The following PLD1 variants were observed in gnomAD, a reference collection of about 807,000 sequenced individuals.
PLD1 encodes the protein choline phosphatase 1.
A neutral mutation model predicts 137.1 loss-of-function variants in PLD1; 112 were observed. The observed-to-expected ratio is 0.82, with a 90% CI of 0.70 to 0.96. The LOEUF (loss-of-function observed/expected upper bound fraction) is 0.96, where lower values mean the gene tolerates loss of function less well. PLD1 is among the 40% of genes least tolerant of loss of function. The pLI, the probability that PLD1 is intolerant of heterozygous loss-of-function variation, is 0.00. For synonymous variants in PLD1, 431 were observed against 454.7 expected (o/e 0.95, Z 0.66); for missense variants, 1,321 against 1,342.0 (o/e 0.98, Z 0.24).
chr3:171,740,252 G>C (rs1487571498), intron 1 of PLD1, among the ~76,000 whole-genome samples: 1 of 142,496 alleles, frequency 7.0e-6, no homozygotes, highest in African/African-American at 3.1e-5. Flanking sequence ...TTTCTAACCT[G>C]GATAACTTAA....
At chr3:171,668,290 C>T (rs966372750) in intron 19 of PLD1, among the ~76,000 whole-genome samples, 1 of 152,212 alleles carries the variant, frequency 6.6e-6, no homozygotes, top group Non-Finnish European at 1.5e-5. Context: ...TGGAAAACAA[C>T]TCCCATGGTA....
At position 171,709,443 on chromosome 3, in the gene PLD1, T is replaced by G. The variant is rs560001346; in HGVS notation, c.1061+117A>C. 141 of 730,028 alleles carry G rather than the reference T, an allele frequency of 1.9e-4. 2 individuals are homozygous for G. In the South Asian group the frequency reaches 2.4e-3, roughly 12 times the overall value. 45.2% of individuals were successfully genotyped at this position (730,028 alleles called of 1,614,324 possible). On this transcript the variant is annotated intron_variant, in intron 10 of 26. Transcript: ENST00000351298. ...TAATTATCACAAAAAGAGAAGCCCT[T>G]GTTAAGTATAATGCATAATCTTTCA...
intron 1 of PLD1, among the ~76,000 whole-genome samples, chr3:171,758,514 C>T (rs1410014655): frequency 6.6e-6 from 1 of 152,196 alleles, no homozygotes; most frequent in Non-Finnish European, 1.5e-5. Flanking sequence ...CATGGACTAG[C>T]CTCGTAGGCA....
rs185383665 is a variant in PLD1 at position 171,787,727 on chromosome 3, G to T, written c.-32+22672C>A. 3.9e-4 allele frequency among the ~76,000 whole-genome samples: 60 copies of T among 152,138 alleles called. 1 individual carries two copies. The highest frequency in any genetic ancestry group is 1.3e-3 in the African/African-American group (52 of 41,498). ...GAAGGTTGATACAAGTTAAAGAACA[G>T]CCACCTTCTATGGAGCAGCAAGCAT... On this transcript the variant is annotated intron_variant, in intron 1 of 26. Coordinates refer to ENST00000351298, the MANE Select transcript of PLD1 (RefSeq NM_002662.5).
chr3:171,737,627 G>T lies in PLD1; in HGVS notation c.193C>A (p.Gln65Lys). The change falls in exon 3 of 27, where the codon CAA becomes AAA. Residue 65 changes from glutamine to lysine, a missense_variant. By Grantham distance (53) the Gln-to-Lys change is moderately conservative. Coordinates refer to ENST00000351298, the MANE Select transcript of PLD1 (RefSeq NM_002662.5). ...TGTATATTAGGCTCCTTAAATCCTT[G>T]AGTGTTATAAATAGCAGAGAAAGGG... ...YIPFSAIYNT[Q>K]GFKEPNIQTY... 2 of 1,586,380 alleles carry T rather than the reference G, an allele frequency of 1.3e-6. No homozygotes were observed. The highest frequency in any genetic ancestry group is 2.2e-5 in the South Asian group (2 of 89,616).
chr3:171,718,178 AT>A (rs1717817052), intron 8 of PLD1, among the ~76,000 whole-genome samples: 1 of 152,238 alleles, frequency 6.6e-6, no homozygotes, highest in African/African-American at 2.4e-5. Flanking sequence ...GAACAACTCT[AT>A]GCACATAAAC....
At chr3:171,759,002 T>A (rs1721217486) in intron 1 of PLD1, among the ~76,000 whole-genome samples, 1 of 152,240 alleles carries the variant, frequency 6.6e-6, no homozygotes, top group Non-Finnish European at 1.5e-5. Flanking sequence ...CCCTGTGGAT[T>A]GATAAAACTC....
chr3:171,739,570 T>C lies in PLD1; in HGVS notation c.-31-1488A>G, dbSNP rs576600627. Among the ~76,000 whole-genome samples, 11 of 152,310 alleles carry C rather than the reference T, an allele frequency of 7.2e-5. No homozygotes were observed. The South Asian group carries it at 2.3e-3, about 32-fold the overall frequency. On this transcript the variant is annotated intron_variant, in intron 1 of 26. Coordinates refer to ENST00000351298, the MANE Select transcript of PLD1 (RefSeq NM_002662.5). The stretch of plus-strand genomic sequence containing the variant: ...TCCCTCCCACTTCTAATTTATATCA[T>C]AATAGTTAATAGTTACTAATGTTTA...
At chr3:171,676,593 A>C in intron 18 of PLD1, 122 bp downstream of exon 18, 2 of 760,130 alleles carry the variant, frequency 2.6e-6, no homozygotes, top group Non-Finnish European at 4.5e-6. Context: ...AGCCAACAGC[A>C]GAGCAGTGAC....
At chr3:171,681,213 T>C (rs1351928008) in intron 16 of PLD1, among the ~76,000 whole-genome samples, 2 of 152,250 alleles carry the variant, frequency 1.3e-5, no homozygotes, top group Non-Finnish European at 2.9e-5. Flanking sequence ...TTATTTATTA[T>C]CTTTATTGAT....
intron 1 of PLD1, among the ~76,000 whole-genome samples, chr3:171,773,430 C>T (rs1055577254): frequency 2.6e-5 from 4 of 151,954 alleles, no homozygotes; most frequent in Non-Finnish European, 5.9e-5. Context: ...ATCTAAACCC[C>T]GTCTCTACTA....
chr3:171,767,374 A>G (rs1197913970), intron 1 of PLD1, among the ~76,000 whole-genome samples: 2 of 152,174 alleles, frequency 1.3e-5, no homozygotes, highest in African/African-American at 4.8e-5. Context: ...TTACCAACCC[A>G]AGTAGAGAAA....
intron 23 of PLD1, among the ~76,000 whole-genome samples, chr3:171,620,736 CTCTCTCTA>C (rs1560150655): frequency 7.8e-5 from 6 of 76,928 alleles, no homozygotes; most frequent in Admixed American, 5.2e-4. Flanking sequence ...CTCTCTCTCT[CTCTCTCTA>C]TATATATATA....
At chr3:171,725,898 G>A (rs2108242159) in intron 7 of PLD1, 120 bp downstream of exon 7, 1 of 710,962 alleles carries the variant, frequency 1.4e-6, no homozygotes, top group Non-Finnish European at 2.6e-6. Context: ...TCTAACTACT[G>A]GGGAGAAGAG....
chr3:171,710,397 G>T (rs1038756101), intron 9 of PLD1, among the ~76,000 whole-genome samples: 2 of 152,140 alleles, frequency 1.3e-5, no homozygotes, highest in African/African-American at 4.8e-5. Flanking sequence ...ATTTTTCCAC[G>T]GATGATGGGG....
At position 171,643,052 on chromosome 3, in the gene PLD1, A is replaced by ACTT. The variant is rs1156469824; in HGVS notation, c.2544-166_2544-164dup. The ACTT allele has an allele frequency of 5.6e-6, 3 of 538,760 alleles. No homozygotes were observed. In the African/African-American group the frequency reaches 6.0e-5, roughly 11 times the overall value. The allele number at this position is 538,760 out of a possible 1,614,324, so 33.4% of individuals were successfully genotyped here. On this transcript the variant is annotated intron_variant, in intron 22 of 26. Coordinates refer to ENST00000351298, the MANE Select transcript of PLD1 (RefSeq NM_002662.5). ...TGCTAAAAACAGTTACATGAATATC[A>ACTT]CTTTTGTAATGCTACTAATAGGGAC...
At chr3:171,793,910 G>A (rs563810367) in intron 1 of PLD1, 4 of 152,320 alleles carry the variant, frequency 2.6e-5, no homozygotes, top group East Asian at 1.9e-4. Flanking sequence ...TTCGGAGGCC[G>A]AGGCGCATGG....
At chr3:171,650,664 G>A in intron 21 of PLD1, among the ~76,000 whole-genome samples, 1 of 152,214 alleles carries the variant, frequency 6.6e-6, no homozygotes, top group African/African-American at 2.4e-5. Context: ...CTATTGTGTG[G>A]AAATGCGCTT....
chr3:171,762,361 T>A (rs933136395), intron 1 of PLD1, among the ~76,000 whole-genome samples: 1 of 152,208 alleles, frequency 6.6e-6, no homozygotes, highest in African/African-American at 2.4e-5. Context: ...CAGATATAGT[T>A]AAATATCCAC....
Sources: allele counts gnomAD v4.1 joint callset (sites outside exome capture counted in the v4.1 genomes callset), GRCh38; gene constraint gnomAD v4.1.1; transcripts MANE v1.5; gene names NCBI Gene and HGNC (gene_info 2026-07-23, HGNC 2026-07-21).